GLG1: variants seen among roughly 807,000 people sequenced by gnomAD.
GLG1 encodes Golgi apparatus protein 1.
GLG1 carries 38 observed loss-of-function variants against 160.5 expected under a neutral mutation model. That is an observed-to-expected ratio of 0.24 (90% confidence interval 0.18 to 0.31). The LOEUF (loss-of-function observed/expected upper bound fraction) is 0.31. Among genes scored for constraint, GLG1 ranks in the 10% least tolerant of loss-of-function variants. The pLI is 1.00. For synonymous variants in GLG1, 644 were observed against 543.4 expected (o/e 1.19, Z -2.57); for missense variants, 1,373 against 1,505.2 (o/e 0.91, Z 1.45).
chr16:74,485,269 T>C (rs2015750228), intron 9 of GLG1, among the ~76,000 whole-genome samples: 1 of 152,260 alleles, frequency 6.6e-6, no homozygotes, highest in African/African-American at 2.4e-5. Flanking sequence ...TACTTTAATA[T>C]AGCATTTATT....
intron 1 of GLG1, among the ~76,000 whole-genome samples, chr16:74,574,883 C>CAAAAAAAAAAAAAAAAAAAAAAAAA (rs531720341): frequency 1.2e-4 from 3 of 24,792 alleles, no homozygotes; most frequent in Non-Finnish European, 1.8e-4. Flanking sequence ...GACTCTGTCT[C>CAAAAAAAAAAAAAAAAAAAAAAAAA]AAAAAAAAAA....
At chr16:74,597,966 A>G (rs990007019) in intron 1 of GLG1, among the ~76,000 whole-genome samples, 2 of 152,026 alleles carry the variant, frequency 1.3e-5, no homozygotes, top group Non-Finnish European at 2.9e-5. Context: ...CAGTGAGCTG[A>G]GATCACACCA....
intron 1 of GLG1, among the ~76,000 whole-genome samples, chr16:74,602,445 G>T (rs1450770593): frequency 6.6e-6 from 1 of 152,142 alleles, no homozygotes; most frequent in East Asian, 1.9e-4. Flanking sequence ...CAGTATCTGG[G>T]ATTTGCTTTT....
chr16:74,504,279 A>C (rs866312982), intron 3 of GLG1, among the ~76,000 whole-genome samples: 1 of 152,146 alleles, frequency 6.6e-6, no homozygotes, highest in Non-Finnish European at 1.5e-5. Flanking sequence ...TTACTTCTTG[A>C]CATGACATTA....
chr16:74,454,333 G>A (rs1159531413), intron 25 of GLG1, among the ~76,000 whole-genome samples: 3 of 151,744 alleles, frequency 2.0e-5, no homozygotes, highest in African/African-American at 7.3e-5. Flanking sequence ...AGCCTCCTGA[G>A]TAGCTGAGAC....
At chr16:74,517,799 G>A (rs1174420238) in intron 2 of GLG1, among the ~76,000 whole-genome samples, 1 of 152,030 alleles carries the variant, frequency 6.6e-6, no homozygotes, top group South Asian at 2.1e-4. Flanking sequence ...ATTTAGAAAA[G>A]CCCGTCATCT....
At chr16:74,605,863 G>T (rs72792711) in intron 1 of GLG1, among the ~76,000 whole-genome samples, 18,845 of 152,154 alleles carry the variant, frequency 0.12, 1,322 homozygotes, top group Middle Eastern at 0.17. Flanking sequence ...CCCAAACTTT[G>T]AGAATTGTCA....
intron 1 of GLG1, among the ~76,000 whole-genome samples, chr16:74,601,992 C>T (rs1294152064): frequency 6.6e-6 from 1 of 152,108 alleles, no homozygotes; most frequent in Non-Finnish European, 1.5e-5. Context: ...AGCACTAGCA[C>T]TAGCACCTCA....
intron 1 of GLG1, among the ~76,000 whole-genome samples, chr16:74,541,535 T>C (rs539154773): frequency 1.6e-4 from 24 of 152,298 alleles, no homozygotes; most frequent in Middle Eastern, 3.4e-3. Flanking sequence ...CTTCAAATTT[T>C]GTGTAGATAA....
At chr16:74,537,663 G>A (rs1468360866) in intron 1 of GLG1, among the ~76,000 whole-genome samples, 1 of 144,768 alleles carries the variant, frequency 6.9e-6, no homozygotes, top group Non-Finnish European at 1.5e-5. Context: ...GTCAAACATT[G>A]GTTGCGGTTC....
At chr16:74,503,141 A>C (rs2016471256) in intron 4 of GLG1, among the ~76,000 whole-genome samples, 1 of 151,970 alleles carries the variant, frequency 6.6e-6, no homozygotes, top group East Asian at 2.0e-4. Context: ...CAGGAGGCTG[A>C]GGCTGCAATG....
intron 2 of GLG1, 39 bp downstream of exon 2, chr16:74,532,082 T>G (rs374312438): frequency 4.0e-6 from 4 of 1,007,572 alleles, no homozygotes; most frequent in Non-Finnish European, 5.7e-6. Flanking sequence ...ATCGTATCTA[T>G]AAAGCACATA....
chr16:74,525,425 G>A (rs540312407), intron 2 of GLG1, among the ~76,000 whole-genome samples: 1 of 152,272 alleles, frequency 6.6e-6, no homozygotes, highest in South Asian at 2.1e-4. Context: ...TGCCCAGGCT[G>A]TGGCATGATC....
At chr16:74,487,539 A>C (rs1469139) in intron 8 of GLG1, among the ~76,000 whole-genome samples, 143,827 of 152,288 alleles carry the variant, frequency 0.94, 68,116 homozygotes, top group East Asian at 1. Context: ...TATACCAAAA[A>C]TTATTGGTGG....
At chr16:74,520,835 C>A (rs2143552730) in intron 2 of GLG1, among the ~76,000 whole-genome samples, 1 of 152,254 alleles carries the variant, frequency 6.6e-6, no homozygotes, top group African/African-American at 2.4e-5. Context: ...CTGGGTTTTT[C>A]TTCTCTCTGA....
rs143872917 is a variant in GLG1 at position 74,606,687 on chromosome 16, C to A, written c.408G>T (p.Ala136=). Residue 136 remains alanine, a synonymous_variant, in exon 1 of 26, where the codon GCG becomes GCT. Coordinates refer to ENST00000422840, the MANE Select transcript of GLG1 (RefSeq NM_001145667.2). The part of the protein sequence containing the change: ...CPKHTWSNNL[A]VLECLQDVRE... ...TCACATCCTGCAGGCACTCGAGCAC[C>A]GCCAGGTTGTTGCTCCAGGTGTGCT... 2.1e-4 allele frequency: 338 copies of A among 1,599,560 alleles called. 1 individual carries two copies. In the African/African-American group the frequency reaches 4.2e-3, roughly 20 times the overall value.
chr16:74,483,231 G>A lies in GLG1; in HGVS notation c.1572-107C>T, dbSNP rs185279419. Reference sequence around the variant, plus strand: ...AAGGCGGCTTTTAGTTATTTTCTTAGGGCAATCAGATTTATTTTTCTAAGA... The same window carrying A: ...AAGGCGGCTTTTAGTTATTTTCTTAAGGCAATCAGATTTATTTTTCTAAGA... On this transcript the variant is annotated intron_variant, in intron 9 of 25. Transcript: ENST00000422840. The A allele has an allele frequency of 1.2e-3, 828 of 684,396 alleles. 7 individuals are homozygous for A. Among genetic ancestry groups the A allele is most frequent in the South Asian group, 8.7e-3 (516 of 59,026 alleles). 42.4% of individuals were successfully genotyped at this position (684,396 alleles called of 1,614,324 possible).
intron 4 of GLG1, 102 bp from the exon 5 acceptor site, chr16:74,496,746 AC>A (rs3223740): frequency 6.6e-6 from 5 of 758,086 alleles, no homozygotes; most frequent in South Asian, 6.2e-5. Flanking sequence ...ACACACACAC[AC>A]AAAGTAATAA....
chr16:74,506,943 C>T (rs1464423383), intron 3 of GLG1, among the ~76,000 whole-genome samples: 1 of 152,136 alleles, frequency 6.6e-6, no homozygotes, highest in African/African-American at 2.4e-5. Flanking sequence ...ATGCTGCAGT[C>T]ACTCTATTTT....
Sources: allele counts gnomAD v4.1 joint callset (sites outside exome capture counted in the v4.1 genomes callset), GRCh38; gene constraint gnomAD v4.1.1; transcripts MANE v1.5; gene names NCBI Gene and HGNC (gene_info 2026-07-23, HGNC 2026-07-21).